The following PRKCZ variants were observed in gnomAD, a reference collection of about 807,000 sequenced individuals.
PRKCZ encodes protein kinase C zeta, also known as protein kinase C zeta type.
A neutral mutation model predicts 79.5 loss-of-function variants in PRKCZ; 33 were observed. That is an observed-to-expected ratio of 0.41 (90% CI 0.31 to 0.55). The LOEUF is 0.55. Among genes scored for constraint, PRKCZ ranks in the 20% least tolerant of loss-of-function variants. The pLI is 0.19. For synonymous variants in PRKCZ, 342 were observed against 320.9 expected, an observed-to-expected ratio of 1.07 and a Z score of -0.70; for missense variants, 578 against 813.5, an observed-to-expected ratio of 0.71 and a Z score of 3.52.
chr1:2,121,634 AGTGGTAGTTAGGGTCACG>A lies in PRKCZ; in HGVS notation c.335-13622_335-13605del, dbSNP rs1671994587. On this transcript the variant is annotated intron_variant, in intron 4 of 17. Coordinates refer to ENST00000378567, the MANE Select transcript of PRKCZ (RefSeq NM_002744.6). ...GGGTCATGGTGGTGGTTAGGGTCAC[AGTGGTAGTTAGGGTCACG>A]GTGGTGGTTAGGGTCGTGGTGGTGG... 3.1e-4 allele frequency among the ~76,000 whole-genome samples: 4 copies of A among 12,700 alleles called. 1 individual carries two copies. The South Asian group carries it at 9.2e-3, about 29-fold the overall frequency. The allele number at this position is 12,700 out of a possible 152,430, so 8.3% of individuals were successfully genotyped here.
intron 16 of PRKCZ, among the ~76,000 whole-genome samples, chr1:2,181,245 T>A (rs549956684): frequency 3.3e-5 from 5 of 152,220 alleles, no homozygotes; most frequent in African/African-American, 1.2e-4. Context: ...ACACACCCAC[T>A]ATGGGGCCTT....
At position 2,104,775 on chromosome 1, in the gene PRKCZ, C is replaced by T; in HGVS notation, c.335-30487C>T. ...GCGGGCTGGCCTGCGGGGCTCACTG[C>T]TGCCCCCCGGGGCCGAGCACGAAAG... On this transcript the variant is annotated intron_variant, in intron 4 of 17. Transcript: ENST00000378567. The T allele has an allele frequency of 4.1e-6, 4 of 985,918 alleles. 1 individual carries two copies. The South Asian group carries it at 1.9e-4, about 46-fold the overall frequency. The allele number at this position is 985,918 out of a possible 1,614,324, so 61.1% of individuals were successfully genotyped here.
chr1:2,071,361 G>A (rs1173154795), intron 4 of PRKCZ: 11 of 463,906 alleles, frequency 2.4e-5, no homozygotes, highest in African/African-American at 2.0e-4. Context: ...CGGCGTCTGA[G>A]AGGAGGCGGC....
At chr1:2,058,330 G>C (rs1366893488) in intron 3 of PRKCZ, among the ~76,000 whole-genome samples, 2 of 71,426 alleles carry the variant, frequency 2.8e-5, no homozygotes, top group African/African-American at 1.1e-4. Context: ...TTTTTTTTTT[G>C]ATATTCAGAC....
At chr1:2,151,600 A>C (rs1257516964) in intron 9 of PRKCZ, among the ~76,000 whole-genome samples, 4 of 152,204 alleles carry the variant, frequency 2.6e-5, no homozygotes, top group Non-Finnish European at 5.9e-5. Flanking sequence ...TGTGTAGCAG[A>C]TCTTCCCACA....
At chr1:2,121,519 A>ATGGTAGTTAG (rs756256271) in intron 4 of PRKCZ, among the ~76,000 whole-genome samples, 1 of 105,878 alleles carries the variant, frequency 9.4e-6, no homozygotes, top group African/African-American at 3.2e-5. Flanking sequence ...GTGGTACTTA[A>ATGGTAGTTAG]GGTCATGGCA....
intron 10 of PRKCZ, among the ~76,000 whole-genome samples, chr1:2,157,171 CTTG>C (rs1681229014): frequency 6.6e-6 from 1 of 152,130 alleles, no homozygotes; most frequent in South Asian, 2.1e-4. Flanking sequence ...CCTCCTCCTT[CTTG>C]TTCTCTTCAC....
chr1:2,055,712 A>T, intron 2 of PRKCZ, 150 bp downstream of exon 2: 2 of 1,218,474 alleles, frequency 1.6e-6, no homozygotes, highest in Non-Finnish European at 2.2e-6. Context: ...CCCAGTGGGG[A>T]TGGTGGGAAA....
At chr1:2,086,813 C>T (rs931227586) in intron 4 of PRKCZ, among the ~76,000 whole-genome samples, 2 of 152,206 alleles carry the variant, frequency 1.3e-5, no homozygotes, top group East Asian at 1.9e-4. Context: ...CCTGTTCGCT[C>T]GTGTGCTCTG....
At chr1:2,161,578 C>T (rs1320517008) in intron 10 of PRKCZ, among the ~76,000 whole-genome samples, 2 of 152,134 alleles carry the variant, frequency 1.3e-5, no homozygotes, top group African/African-American at 2.4e-5. Context: ...GTGCAGAACA[C>T]GGGAGAAAGG....
intron 4 of PRKCZ, among the ~76,000 whole-genome samples, chr1:2,091,977 G>A (rs2102489955): frequency 6.6e-6 from 1 of 152,338 alleles, no homozygotes; most frequent in East Asian, 1.9e-4. Context: ...CATGTAGAAT[G>A]GAAAGCGTCG....
At chr1:2,179,237 C>G (rs1686071830) in intron 16 of PRKCZ, among the ~76,000 whole-genome samples, 1 of 152,204 alleles carries the variant, frequency 6.6e-6, no homozygotes, top group African/African-American at 2.4e-5. Context: ...ATCCTGAGTC[C>G]TCCGGTTTGG....
chr1:2,052,859 G>A (rs1218404826), intron 1 of PRKCZ, among the ~76,000 whole-genome samples: 1 of 152,160 alleles, frequency 6.6e-6, no homozygotes, highest in East Asian at 1.9e-4. Flanking sequence ...TTTAGAAAAA[G>A]GAAGAGCACT....
intron 7 of PRKCZ, 68 bp from the exon 8 acceptor site, chr1:2,148,804 G>A (rs1460114514): frequency 2.6e-6 from 4 of 1,515,120 alleles, no homozygotes; most frequent in Non-Finnish European, 3.7e-6. Flanking sequence ...AGGTCCACAG[G>A]GTCGCTGTGT....
At position 2,165,802 on chromosome 1, in the gene PRKCZ, G is replaced by A. The variant is rs567875216; in HGVS notation, c.975-3716G>A. 2.0e-5 allele frequency among the ~76,000 whole-genome samples: 3 copies of A among 152,230 alleles called. No individual in the cohort carries two copies. The highest frequency in any genetic ancestry group is 6.5e-5 in the Admixed American group (1 of 15,304). ...GGGCTGTGGTTCCTCCCTCTGAGCC[G>A]GGCACCTTGCATTCCTGGAAGGGGT... On this transcript the variant is annotated intron_variant, in intron 10 of 17. Transcript: ENST00000378567. This position sits in a 1 kb window ranked among gnomAD's most constrained non-coding sequence, Gnocchi z 4.1.
chr1:2,175,131 G>T, intron 15 of PRKCZ, 93 bp from the exon 16 acceptor site: 1 of 1,089,088 alleles, frequency 9.2e-7, no homozygotes, highest in South Asian at 1.3e-5. Flanking sequence ...TCGGGGGAGG[G>T]CTTGTCAGCA....
At chr1:2,170,006 A>G (rs749779369) in intron 11 of PRKCZ, among the ~76,000 whole-genome samples, 1 of 152,084 alleles carries the variant, frequency 6.6e-6, no homozygotes, top group Non-Finnish European at 1.5e-5. Flanking sequence ...CCAGTCCCCC[A>G]GGCCCCACCC....
intron 10 of PRKCZ, 105 bp downstream of exon 10, chr1:2,156,197 C>T (rs1490328735): frequency 1.8e-6 from 2 of 1,102,982 alleles, no homozygotes; most frequent in Non-Finnish European, 2.7e-6. Context: ...AAGGTTCTCC[C>T]AGTTGCTGTA....
At chr1:2,121,713 G>GTTAT (rs1672071302) in intron 4 of PRKCZ, among the ~76,000 whole-genome samples, 1 of 123,564 alleles carries the variant, frequency 8.1e-6, no homozygotes, top group African/African-American at 3.2e-5. Context: ...CACGGTGGTA[G>GTTAT]TTAGGGTCAC....
Sources: gnomAD v4.1 joint callset for allele counts (sites outside exome capture counted in the v4.1 genomes callset) on GRCh38, gnomAD v4.1.1 for gene constraint, Gnocchi (gnomAD v3.1) non-coding constraint, MANE v1.5 for transcripts, NCBI Gene and HGNC (gene_info 2026-07-23, HGNC 2026-07-21) for gene names.